Variants in FER observed in about 807,000 individuals in gnomAD.
The protein encoded by FER is FER tyrosine kinase, also known as tyrosine-protein kinase Fer.
In FER, 63 loss-of-function variants were observed where a neutral mutation model predicts 111.0. The ratio of observed to expected loss-of-function variants is 0.57; its 90% CI spans 0.46 to 0.70. The LOEUF (loss-of-function observed/expected upper bound fraction) is 0.70. Ranked by LOEUF, FER falls within the 30% of genes least tolerant of loss-of-function variation. The pLI is 0.00. For missense variants in FER, 914 were observed against 954.0 expected, an observed-to-expected ratio of 0.96 and a Z score of 0.55; for synonymous variants, 327 against 313.9, an observed-to-expected ratio of 1.04 and a Z score of -0.44.
intron 16 of FER, among the ~76,000 whole-genome samples, chr5:109,088,495 T>C (rs1235648024): frequency 6.6e-6 from 1 of 152,098 alleles, no homozygotes. Flanking sequence ...AGAAAATTTT[T>C]AGGTGAACAG....
chr5:108,795,854 GGA>G (rs1388693045), intron 2 of FER, among the ~76,000 whole-genome samples: 1 of 152,180 alleles, frequency 6.6e-6, no homozygotes, highest in African/African-American at 2.4e-5. Context: ...TTTCAGGCCA[GGA>G]TTGGTTCCTG....
chr5:108,822,769 T>TTATG (rs1561470151), intron 3 of FER, among the ~76,000 whole-genome samples: 3 of 101,758 alleles, frequency 2.9e-5, no homozygotes, highest in Non-Finnish European at 4.5e-5. Context: ...TTTTATTTAT[T>TTATG]TTATTTTATG....
Position 109,187,758 on chromosome 5 carries a change from G to T in FER, c.*183G>T. On this transcript the variant is annotated 3_prime_UTR_variant, in exon 20 of 20. Coordinates refer to ENST00000281092, the MANE Select transcript of FER (RefSeq NM_005246.4). ...AAAAGTCAAAGGCAAATTTGTTAAA[G>T]AAATAGGCAGTCCTACCAAGGGCTT... is the stretch of plus-strand genomic sequence containing the variant. The T allele has an allele frequency of 1.4e-6, 1 of 692,214 alleles. No individual in the cohort carries two copies. The highest frequency in any genetic ancestry group is 2.4e-6 in the Non-Finnish European group (1 of 425,178). 42.9% of individuals were successfully genotyped at this position (692,214 alleles called of 1,614,324 possible).
At chr5:109,136,082 CCT>C (rs1752864530) in intron 17 of FER, among the ~76,000 whole-genome samples, 1 of 142,414 alleles carries the variant, frequency 7.0e-6, no homozygotes, top group Non-Finnish European at 1.6e-5. Context: ...ATGGCGAAAC[CCT>C]GTTTTTACTA....
chr5:109,051,041 G>C (rs573249474), intron 16 of FER, among the ~76,000 whole-genome samples: 1 of 152,280 alleles, frequency 6.6e-6, no homozygotes, highest in African/African-American at 2.4e-5. Flanking sequence ...TATGTATCAT[G>C]TAATGGAACT....
At chr5:109,065,537 C>T (rs1046209548) in intron 16 of FER, among the ~76,000 whole-genome samples, 1 of 152,190 alleles carries the variant, frequency 6.6e-6, no homozygotes, top group South Asian at 2.1e-4. Context: ...TTTGTGGAAG[C>T]GATGAAGCTT....
At chr5:108,939,067 T>A (rs1490793922) in intron 10 of FER, among the ~76,000 whole-genome samples, 1 of 152,088 alleles carries the variant, frequency 6.6e-6, no homozygotes, top group East Asian at 1.9e-4. Flanking sequence ...GCTTTTGTAC[T>A]ATGACATCTA....
intron 11 of FER, among the ~76,000 whole-genome samples, chr5:108,947,370 A>C (rs1044970750): frequency 6.6e-6 from 1 of 151,916 alleles, no homozygotes; most frequent in African/African-American, 2.4e-5. Context: ...GTTATTTTAA[A>C]TGTTTTCATG....
chr5:108,973,774 G>T lies in FER; in HGVS notation c.1656+14427G>T, dbSNP rs1000627596. Among the ~76,000 whole-genome samples the T allele has an allele frequency of 2.0e-5, 3 of 152,088 alleles. No individual in the cohort carries two copies. The South Asian group carries it at 6.2e-4, about 32-fold the overall frequency. ...GATACTTCCTAATGGTGGCCTATAA[G>T]AGGTATGATTTTCTCACTACTTTCT... On this transcript the variant is annotated intron_variant, in intron 13 of 19. Transcript: ENST00000281092.
chr5:108,814,286 C>T (rs1199040742), intron 3 of FER, among the ~76,000 whole-genome samples: 1 of 151,958 alleles, frequency 6.6e-6, no homozygotes, highest in Admixed American at 6.6e-5. Context: ...GTTCAGACCC[C>T]AAGGGAGGGT....
intron 8 of FER, among the ~76,000 whole-genome samples, chr5:108,878,350 C>A (rs1017791047): frequency 1.3e-5 from 2 of 152,038 alleles, no homozygotes; most frequent in Admixed American, 1.3e-4. Context: ...ACCATCACTA[C>A]CTTCTAGGTT....
At chr5:108,933,723 T>G (rs1755037073) in intron 10 of FER, among the ~76,000 whole-genome samples, 1 of 152,240 alleles carries the variant, frequency 6.6e-6, no homozygotes. Flanking sequence ...ATATTGATTC[T>G]TCCTACCCAT....
intron 13 of FER, among the ~76,000 whole-genome samples, chr5:109,032,026 A>G (rs1769700006): frequency 6.6e-6 from 1 of 152,176 alleles, no homozygotes. Context: ...CATGAGTCTA[A>G]TGGAATATAT....
intron 5 of FER, among the ~76,000 whole-genome samples, chr5:108,841,055 G>A (rs893089644): frequency 1.3e-5 from 2 of 152,186 alleles, no homozygotes; most frequent in African/African-American, 4.8e-5. Context: ...AGAGAACAAT[G>A]TAAAGAGGGA....
At chr5:108,861,742 G>A (rs1384671963) in intron 5 of FER, among the ~76,000 whole-genome samples, 3 of 152,084 alleles carry the variant, frequency 2.0e-5, no homozygotes, top group Admixed American at 6.5e-5. Context: ...AAATAGAATT[G>A]TATTAGGTTA....
chr5:108,924,564 A>C, intron 10 of FER: 2 of 1,218,884 alleles, frequency 1.6e-6, no homozygotes, highest in Non-Finnish European at 2.0e-6. Context: ...CCAGATTTGC[A>C]CCTCTCTTCT....
At chr5:109,009,965 C>T (rs1174919120) in intron 13 of FER, among the ~76,000 whole-genome samples, 3 of 152,172 alleles carry the variant, frequency 2.0e-5, no homozygotes, top group East Asian at 3.9e-4. Context: ...AGTGTCACTT[C>T]TGCCACAATC....
At chr5:108,957,518 T>C (rs1175956543) in intron 12 of FER, among the ~76,000 whole-genome samples, 3 of 151,620 alleles carry the variant, frequency 2.0e-5, no homozygotes, top group Admixed American at 6.6e-5. Flanking sequence ...TGTAAATTAG[T>C]AAATTCATTA....
chr5:108,795,073 C>T (rs2150036094), intron 2 of FER, among the ~76,000 whole-genome samples: 1 of 152,294 alleles, frequency 6.6e-6, no homozygotes, highest in South Asian at 2.1e-4. Flanking sequence ...TTTGGAAGGC[C>T]AGTACTTTGG....
Sources: gnomAD v4.1 joint callset for allele counts (sites outside exome capture counted in the v4.1 genomes callset) on GRCh38, gnomAD v4.1.1 for gene constraint, MANE v1.5 for transcripts, NCBI Gene and HGNC (gene_info 2026-07-23, HGNC 2026-07-21) for gene names.